LRMDA: variants seen among roughly 807,000 people sequenced by gnomAD.
LRMDA encodes leucine rich melanocyte differentiation associated.
A neutral mutation model predicts 29.8 loss-of-function variants in LRMDA; 18 were observed. That is an observed-to-expected ratio of 0.60 (90% CI 0.42 to 0.90). The LOEUF is 0.90. Among genes scored for constraint, LRMDA ranks in the 40% least tolerant of loss-of-function variants. The probability of loss-of-function intolerance (pLI) is 0.00; values close to 1 mark genes in which losing one functional copy is unlikely to be tolerated. For synonymous variants in LRMDA, 125 were observed against 109.4 expected, an observed-to-expected ratio of 1.14 and a Z score of -0.89; for missense variants, 273 against 273.9, an observed-to-expected ratio of 1.00 and a Z score of 0.02.
At chr10:76,359,545 C>T (rs995448410) in intron 6 of LRMDA, among the ~76,000 whole-genome samples, 5 of 152,210 alleles carry the variant, frequency 3.3e-5, no homozygotes, top group East Asian at 1.9e-4. Context: ...CCCAGGCCTC[C>T]GGTTTCCTCT....
At chr10:75,863,011 G>A (rs1844958958) in intron 2 of LRMDA, among the ~76,000 whole-genome samples, 1 of 151,672 alleles carries the variant, frequency 6.6e-6, no homozygotes, top group African/African-American at 2.4e-5. Context: ...AAAAAAAAAA[G>A]CCCTGCATGT....
At chr10:75,578,219 A>AAAAAAAAAAAAAAAAAAAAAAC in intron 2 of LRMDA, among the ~76,000 whole-genome samples, 1 of 140,360 alleles carries the variant, frequency 7.1e-6, no homozygotes, top group Non-Finnish European at 1.6e-5. Context: ...GGAAAGCAAA[A>AAAAAAAAAAAAAAAAAAAAAAC]AAAAAAAAAA....
intron 5 of LRMDA, among the ~76,000 whole-genome samples, chr10:76,143,789 T>A (rs903434815): frequency 1.1e-4 from 17 of 152,332 alleles, no homozygotes; most frequent in East Asian, 7.7e-4. Context: ...CTGAATGGTA[T>A]TGCCTAGGTT....
At chr10:75,895,800 G>T (rs182780856) in intron 2 of LRMDA, among the ~76,000 whole-genome samples, 1 of 152,194 alleles carries the variant, frequency 6.6e-6, no homozygotes, top group South Asian at 2.1e-4. Context: ...CATGGGAGAA[G>T]AGATAGCATA....
At chr10:75,789,227 C>G (rs1843525434) in intron 2 of LRMDA, among the ~76,000 whole-genome samples, 1 of 152,126 alleles carries the variant, frequency 6.6e-6, no homozygotes. Flanking sequence ...ACCATCTGAC[C>G]CTGCAGGGTT....
chr10:76,363,390 A>C (rs1159337701), intron 6 of LRMDA, among the ~76,000 whole-genome samples: 1 of 152,168 alleles, frequency 6.6e-6, no homozygotes, highest in African/African-American at 2.4e-5. Flanking sequence ...CTTTATTTGC[A>C]GATGAAATTA....
chr10:76,297,196 A>G (rs1840421780), intron 5 of LRMDA, among the ~76,000 whole-genome samples: 1 of 152,266 alleles, frequency 6.6e-6, no homozygotes, highest in African/African-American at 2.4e-5. Flanking sequence ...TTAAAATAAC[A>G]GCATTACCAA....
At chr10:75,628,390 A>C (rs1418194425) in intron 2 of LRMDA, among the ~76,000 whole-genome samples, 1 of 152,222 alleles carries the variant, frequency 6.6e-6, no homozygotes, top group Admixed American at 6.5e-5. Context: ...AGAAAAGATA[A>C]TAAGATTTCA....
chr10:75,514,170 T>TG (rs1483539282), intron 2 of LRMDA, among the ~76,000 whole-genome samples: 2 of 151,550 alleles, frequency 1.3e-5, no homozygotes, highest in African/African-American at 4.8e-5. Context: ...ACCTGTTTTT[T>TG]TTTTTTTTTT....
At chr10:76,198,330 G>A (rs958062109) in intron 5 of LRMDA, among the ~76,000 whole-genome samples, 1 of 152,246 alleles carries the variant, frequency 6.6e-6, no homozygotes. Flanking sequence ...CACAGGTGGT[G>A]CCTGGGGCAG....
intron 2 of LRMDA, among the ~76,000 whole-genome samples, chr10:75,811,782 C>A (rs766743443): frequency 3.9e-5 from 6 of 152,182 alleles, no homozygotes; most frequent in African/African-American, 1.4e-4. Flanking sequence ...GAACACACGG[C>A]AAATCCACTT....
At chr10:76,473,365 A>G (rs1375139262) in intron 6 of LRMDA, among the ~76,000 whole-genome samples, 2 of 151,576 alleles carry the variant, frequency 1.3e-5, no homozygotes, top group South Asian at 2.1e-4. Context: ...AAGCTTCCCC[A>G]ACGCGATAAA....
chr10:75,552,568 C>G (rs1260301673), intron 2 of LRMDA: 1 of 481,214 alleles, frequency 2.1e-6, no homozygotes, highest in Non-Finnish European at 4.3e-6. Flanking sequence ...TACCCCTCAT[C>G]CCCTACTTGG....
chr10:76,215,259 T>G (rs1266359621), intron 5 of LRMDA, among the ~76,000 whole-genome samples: 5 of 152,146 alleles, frequency 3.3e-5, no homozygotes, highest in Non-Finnish European at 7.4e-5. Context: ...CATGTGCAGG[T>G]TTGACTCTTC....
At chr10:75,936,624 G>A (rs576348376) in intron 2 of LRMDA, among the ~76,000 whole-genome samples, 7 of 152,288 alleles carry the variant, frequency 4.6e-5, no homozygotes, top group Non-Finnish European at 1.0e-4. Context: ...TCTGGAGACT[G>A]GGAGATCCAA....
At position 76,104,047 on chromosome 10, in the gene LRMDA, A is replaced by G. The variant is rs1054439995; in HGVS notation, c.516+45264A>G. 9.3e-5 allele frequency among the ~76,000 whole-genome samples: 13 copies of G among 139,490 alleles called. No homozygotes were observed. In the East Asian group the frequency reaches 1.3e-3, roughly 14 times the overall value. The allele number at this position is 139,490 out of a possible 152,430, so 91.5% of individuals were successfully genotyped here. On this transcript the variant is annotated intron_variant, in intron 5 of 6. Coordinates refer to ENST00000611255, the MANE Select transcript of LRMDA (RefSeq NM_001305581.2). ...TGGGTGACAGAATGAGACTCTATCT[A>G]AAAAAAAAAAAAAAATTCCACACCA...
At chr10:75,617,425 A>G (rs1564523427) in intron 2 of LRMDA, among the ~76,000 whole-genome samples, 1 of 152,112 alleles carries the variant, frequency 6.6e-6, no homozygotes, top group Non-Finnish European at 1.5e-5. Flanking sequence ...AGAATGTTTG[A>G]GTGTCCCCTT....
intron 2 of LRMDA, among the ~76,000 whole-genome samples, chr10:75,465,489 C>T (rs1020210429): frequency 7.2e-5 from 11 of 152,154 alleles, no homozygotes; most frequent in African/African-American, 2.4e-4. Context: ...TACGTGCCCT[C>T]TCTTGGTTTT....
At chr10:75,798,679 A>G (rs1843695798) in intron 2 of LRMDA, among the ~76,000 whole-genome samples, 1 of 152,126 alleles carries the variant, frequency 6.6e-6, no homozygotes, top group South Asian at 2.1e-4. Context: ...ATGTAACATT[A>G]AAAATGTTTT....
Sources: allele counts gnomAD v4.1 joint callset (sites outside exome capture counted in the v4.1 genomes callset), GRCh38; gene constraint gnomAD v4.1.1; transcripts MANE v1.5; gene names NCBI Gene and HGNC (gene_info 2026-07-23, HGNC 2026-07-21).